FBXL3: variants seen among roughly 807,000 people sequenced by gnomAD.
FBXL3 encodes the protein F-box and leucine rich repeat protein 3, also known as F-box/LRR-repeat protein 3.
FBXL3 carries 14 observed loss-of-function variants against 37.9 expected under a neutral mutation model. The observed-to-expected ratio is 0.37, with a 90% CI of 0.24 to 0.58. The LOEUF (loss-of-function observed/expected upper bound fraction) is 0.58. FBXL3 is among the 20% of genes least tolerant of loss of function. The pLI, the probability that FBXL3 is intolerant of heterozygous loss-of-function variation, is 0.74. For synonymous variants in FBXL3, 194 were observed against 180.1 expected, an observed-to-expected ratio of 1.08 and a Z score of -0.62; for missense variants, 327 against 511.1, an observed-to-expected ratio of 0.64 and a Z score of 3.47.
chr13:77,008,430 C>T (rs968387208), intron 4 of FBXL3, among the ~76,000 whole-genome samples: 6 of 152,212 alleles, frequency 3.9e-5, no homozygotes, highest in Admixed American at 3.3e-4. Context: ...GAAGCTCTAA[C>T]ATACCTAGAA....
At chr13:77,013,448 A>G (rs1171512346) in intron 4 of FBXL3, 3 of 152,186 alleles carry the variant, frequency 2.0e-5, no homozygotes, top group African/African-American at 7.2e-5. Context: ...GCTCCTGGCA[A>G]TAACATGATT....
chr13:77,025,244 G>T (rs554559294), intron 1 of FBXL3, among the ~76,000 whole-genome samples: 1 of 152,240 alleles, frequency 6.6e-6, no homozygotes, highest in South Asian at 2.1e-4. Flanking sequence ...CCAAAACTAG[G>T]CCTCTTCAGG....
At chr13:77,024,624 C>T (rs2034805564) in intron 1 of FBXL3, among the ~76,000 whole-genome samples, 1 of 152,132 alleles carries the variant, frequency 6.6e-6, no homozygotes, top group Non-Finnish European at 1.5e-5. Flanking sequence ...TATTATAGTA[C>T]TGTTTTAAAT....
intron 1 of FBXL3, among the ~76,000 whole-genome samples, chr13:77,022,986 T>A (rs1170975357): frequency 6.6e-6 from 1 of 152,158 alleles, no homozygotes; most frequent in Non-Finnish European, 1.5e-5. Flanking sequence ...TGCAATACTA[T>A]TAAGGCTTTT....
chr13:77,025,687 C>CCAAA (rs2034824489), intron 1 of FBXL3, among the ~76,000 whole-genome samples: 1 of 73,966 alleles, frequency 1.4e-5, no homozygotes, highest in East Asian at 4.7e-4. Context: ...GTCCTTGTCT[C>CCAAA]AAAAAAAAAA....
At chr13:77,021,981 G>A (rs2034753094) in intron 1 of FBXL3, 120 bp from the exon 2 acceptor site, 2 of 780,066 alleles carry the variant, frequency 2.6e-6, no homozygotes. Flanking sequence ...GGAAAAACTG[G>A]ATCAGTAATT....
At chr13:77,022,316 C>T (rs539969459) in intron 1 of FBXL3, among the ~76,000 whole-genome samples, 2 of 152,292 alleles carry the variant, frequency 1.3e-5, no homozygotes, top group African/African-American at 2.4e-5. Flanking sequence ...GGATGTTCCA[C>T]ATTTAATAGT....
chr13:77,023,477 T>G (rs2034784275), intron 1 of FBXL3, among the ~76,000 whole-genome samples: 2 of 148,674 alleles, frequency 1.3e-5, no homozygotes, highest in Non-Finnish European at 2.9e-5. Flanking sequence ...TTACAGGTAA[T>G]TTTTTTTTCT....
At chr13:77,019,286 G>C (rs1159789973) in intron 2 of FBXL3, 1 of 152,086 alleles carries the variant, frequency 6.6e-6, no homozygotes, top group African/African-American at 2.4e-5. Flanking sequence ...AACTAAATAA[G>C]ATGTAGCTAT....
rs752133265 is a variant in FBXL3 at position 77,021,590 on chromosome 13, A to G, written c.271T>C (p.Leu91=). 5.0e-6 allele frequency: 8 copies of G among 1,614,080 alleles called. No homozygotes were observed. The East Asian group carries it at 1.8e-4, about 36-fold the overall frequency. Residue 91 remains leucine (L), a synonymous_variant, in exon 2 of 5, where the codon TTG becomes CTG. Transcript: ENST00000355619. ...ATCAGCTCTGGATGGGTAGCTTTCA[A>G]ATAAGATGTAGCTGGCTGATTCAGT... ...FELNQPATSY[L]KATHPELIKQ...
At chr13:77,020,019 A>G (rs1280016686) in intron 2 of FBXL3, among the ~76,000 whole-genome samples, 9 of 152,150 alleles carry the variant, frequency 5.9e-5, no homozygotes, top group African/African-American at 2.2e-4. Flanking sequence ...ATCTTTGTAT[A>G]CAATTTACCA....
intron 3 of FBXL3, chr13:77,016,610 CACT>C (rs902235667): frequency 5.3e-5 from 8 of 151,772 alleles, no homozygotes; most frequent in African/African-American, 1.9e-4. Flanking sequence ...CTCCTTAGCT[CACT>C]ACAACCTTGA....
intron 1 of FBXL3, among the ~76,000 whole-genome samples, chr13:77,024,060 G>C (rs2034795671): frequency 6.6e-6 from 1 of 152,198 alleles, no homozygotes; most frequent in African/African-American, 2.4e-5. Context: ...TAGAATGACA[G>C]AGGTGACAGC....
intron 3 of FBXL3, chr13:77,015,978 TA>T (rs2034635600): frequency 6.5e-6 from 1 of 153,120 alleles, no homozygotes; most frequent in Non-Finnish European, 1.5e-5. Flanking sequence ...TTATGACCAC[TA>T]AATAGTAACT....
chr13:77,017,025 G>A (rs1034232370), intron 3 of FBXL3: 4 of 151,330 alleles, frequency 2.6e-5, no homozygotes, highest in Non-Finnish European at 5.9e-5. Flanking sequence ...CATCACTGAC[G>A]TCTTTCCCCA....
Position 77,007,475 on chromosome 13 carries a change from T to C in FBXL3, c.957A>G (p.Val319=). 1 of 1,614,214 alleles carries C rather than the reference T, an allele frequency of 6.2e-7. No homozygotes were observed. Among genetic ancestry groups the C allele is most frequent in the Non-Finnish European group, 8.5e-7 (1 of 1,180,032 alleles). ...PATHLYFGRS[V]SKDVLGRVGM... ...CCACACGGCCAAGCACATCTTTGCTTACTGATCTCCCAAAGTACAGATGGG... is the reference window on the plus strand; with the variant it reads ...CCACACGGCCAAGCACATCTTTGCTCACTGATCTCCCAAAGTACAGATGGG... The change falls in exon 5 of 5, where the codon GTA becomes GTG. Residue 319 remains valine, a synonymous_variant. Coordinates refer to ENST00000355619, the MANE Select transcript of FBXL3 (RefSeq NM_012158.4).
At chr13:77,007,916 T>C (rs1300015582) in intron 4 of FBXL3, 128 bp from the exon 5 acceptor site, 2 of 662,070 alleles carry the variant, frequency 3.0e-6, no homozygotes, top group Non-Finnish European at 4.8e-6. Context: ...ATTTAAAATG[T>C]GCATAGTTGA....
intron 2 of FBXL3, 164 bp from the exon 3 acceptor site, chr13:77,018,886 G>T (rs2034691796): frequency 3.5e-6 from 2 of 573,360 alleles, no homozygotes; most frequent in Non-Finnish European, 5.2e-6. Context: ...ATAACTTAAA[G>T]AATATTCTTT....
intron 2 of FBXL3, among the ~76,000 whole-genome samples, chr13:77,020,651 TA>T (rs1402450363): frequency 6.6e-6 from 1 of 152,158 alleles, no homozygotes; most frequent in Non-Finnish European, 1.5e-5. Context: ...ATCTGGTGTT[TA>T]AAGATCCAGT....
Sources: allele counts gnomAD v4.1 joint callset (sites outside exome capture counted in the v4.1 genomes callset), GRCh38; gene constraint gnomAD v4.1.1; transcripts MANE v1.5; gene names NCBI Gene and HGNC (gene_info 2026-07-23, HGNC 2026-07-21).